Variants in BMP1 observed in about 807,000 individuals in gnomAD.
BMP1 encodes bone morphogenetic protein 1.
Under a neutral mutation model 116.8 loss-of-function variants are expected in BMP1, and 63 were observed. The ratio of observed to expected loss-of-function variants is 0.54; its 90% CI spans 0.44 to 0.67. BMP1 has a LOEUF of 0.67. Ranked by LOEUF, BMP1 falls within the 30% of genes least tolerant of loss-of-function variation. The pLI is 0.00. For synonymous variants in BMP1, 536 were observed against 533.4 expected (o/e 1.00, Z -0.07); for missense variants, 1,183 against 1,358.9 (o/e 0.87, Z 2.04).
rs778155776 is a variant in BMP1, at chr8:22,180,487, C to T, written c.1077+4C>T. On this transcript the variant is annotated splice_donor_region_variant and intron_variant, in intron 8 of 19. Transcript: ENST00000306385. ...CTCTGTCACACCCGGGGAGAAGGTA[C>T]GTGTGGGCTCAGCCTCTGAGCCTCC... 16 of 1,612,422 alleles carry T rather than the reference C, an allele frequency of 9.9e-6. No homozygotes were observed. Among genetic ancestry groups the T allele is most frequent in the South Asian group, 4.4e-5 (4 of 91,054 alleles).
chr8:22,199,472 G>T, intron 15 of BMP1: 1 of 1,168,890 alleles, frequency 8.6e-7, no homozygotes, highest in East Asian at 6.1e-5. Flanking sequence ...TCCCAGGTGA[G>T]GCTGCCCACT....
At chr8:22,193,115 C>T (rs1002326894) in intron 9 of BMP1, among the ~76,000 whole-genome samples, 2 of 152,268 alleles carry the variant, frequency 1.3e-5, no homozygotes, top group Admixed American at 6.5e-5. Flanking sequence ...TGGGAAACAC[C>T]GGCCTTATTA....
chr8:22,190,792 C>A (rs554453709), intron 8 of BMP1, among the ~76,000 whole-genome samples: 1 of 152,304 alleles, frequency 6.6e-6, no homozygotes, highest in African/African-American at 2.4e-5. Flanking sequence ...CTCCACTCTG[C>A]CTCTAACTCT....
Position 22,194,653 on chromosome 8 carries a change from T to G in BMP1, c.1443+63T>G. 1 of 1,599,832 alleles carries G rather than the reference T, an allele frequency of 6.3e-7. No individual in the cohort carries two copies. Among genetic ancestry groups the G allele is most frequent in the Non-Finnish European group, 8.5e-7 (1 of 1,171,022 alleles). On this transcript the variant is annotated intron_variant, in intron 11 of 19. Transcript: ENST00000306385. The surrounding 1 kb of genome is among the most constrained non-coding windows in gnomAD (Gnocchi z 4.5). The stretch of plus-strand genomic sequence containing the variant: ...GCAGTTGCTCCCTGGGACAGCTGCC[T>G]CTCTTTGGGCTCCCAGGGGTGGGTC...
chr8:22,206,140 GTGGATCACT>G (rs1158397566), intron 16 of BMP1, among the ~76,000 whole-genome samples: 3 of 152,162 alleles, frequency 2.0e-5, no homozygotes, highest in African/African-American at 7.2e-5. Flanking sequence ...GCCTAGGCAG[GTGGATCACT>G]TGGGGCCAGG....
At chr8:22,177,513 C>G (rs1345669849) in intron 5 of BMP1, 6 of 714,558 alleles carry the variant, frequency 8.4e-6, no homozygotes, top group Non-Finnish European at 1.6e-5. Context: ...GGGCTTTTCT[C>G]TCATTTTCTC....
At chr8:22,201,540 T>C in intron 15 of BMP1, 1 of 1,415,106 alleles carries the variant, frequency 7.1e-7, no homozygotes, top group Non-Finnish European at 9.2e-7. Flanking sequence ...AAGCAGGTAA[T>C]GGTGACCCAT....
chr8:22,179,578 C>G lies in BMP1; in HGVS notation c.837-127C>G, dbSNP rs996572245. ...ACAGGGTGAGACGACTCCACCCGGC[C>G]CTGACCCTGCTGAGGAATGTCTGAG... is the stretch of plus-strand genomic sequence containing the variant. On this transcript the variant is annotated intron_variant, in intron 6 of 19. Transcript: ENST00000306385. The surrounding 1 kb of genome is among the most constrained non-coding windows in gnomAD (Gnocchi z 4.6). 6.5e-7 allele frequency: 1 copy of G among 1,546,876 alleles called. No individual in the cohort carries two copies. Among genetic ancestry groups the G allele is most frequent in the Admixed American group, 1.8e-5 (1 of 56,438 alleles).
At chr8:22,198,142 G>A (rs936316955) in intron 15 of BMP1, among the ~76,000 whole-genome samples, 1 of 152,216 alleles carries the variant, frequency 6.6e-6, no homozygotes, top group African/African-American at 2.4e-5. Context: ...CGATGATCTC[G>A]TCACTCACTC....
At chr8:22,182,588 G>T (rs941668904) in intron 8 of BMP1, among the ~76,000 whole-genome samples, 1 of 152,136 alleles carries the variant, frequency 6.6e-6, no homozygotes, top group Admixed American at 6.5e-5. Flanking sequence ...TGTTCCACCC[G>T]TTGACAAAAC....
chr8:22,190,571 G>T lies in BMP1; in HGVS notation c.1078-1478G>T, dbSNP rs370720928. ...CGGCGTGACGTGTTGGTGTGTGGCCGGGAAGGTATAGAGAGGTGGAGAGAG... is the reference window on the plus strand; with the variant it reads ...CGGCGTGACGTGTTGGTGTGTGGCCTGGAAGGTATAGAGAGGTGGAGAGAG... On this transcript the variant is annotated intron_variant, in intron 8 of 19. Transcript: ENST00000306385. Among the ~76,000 whole-genome samples the T allele has an allele frequency of 4.6e-5, 7 of 152,336 alleles. No individual in the cohort carries two copies. In the East Asian group the frequency reaches 1.2e-3, roughly 25 times the overall value.
chr8:22,194,285 A>G lies in BMP1; in HGVS notation c.1297+111A>G. On this transcript the variant is annotated intron_variant, in intron 10 of 19. Coordinates refer to ENST00000306385, the MANE Select transcript of BMP1 (RefSeq NM_006129.5). This position sits in a 1 kb window ranked among gnomAD's most constrained non-coding sequence, Gnocchi z 4.5. The stretch of plus-strand genomic sequence containing the variant: ...AAGATTGTGGGTTCCCAAGGGAAGA[A>G]GCAGAGAGAATGATGGGATTGCCTG... 6.9e-7 allele frequency: 1 copy of G among 1,459,584 alleles called. No homozygotes were observed. The highest frequency in any genetic ancestry group is 9.5e-7 in the Non-Finnish European group (1 of 1,050,836). The allele number at this position is 1,459,584 out of a possible 1,614,324, so 90.4% of individuals were successfully genotyped here.
intron 14 of BMP1, 45 bp downstream of exon 14, chr8:22,196,885 C>T (rs368022100): frequency 3.2e-5 from 50 of 1,576,386 alleles, no homozygotes; most frequent in African/African-American, 2.8e-4. Flanking sequence ...AGCTGTGAGG[C>T]GTGGGCATTC....
At chr8:22,173,561 A>C (rs1179901000) in intron 1 of BMP1, 41 bp from the exon 2 acceptor site, 1 of 1,497,902 alleles carries the variant, frequency 6.7e-7, no homozygotes, top group Non-Finnish European at 9.2e-7. Context: ...AGGGCTGGGT[A>C]GGAGGATTAA....
intron 12 of BMP1, 83 bp from the exon 13 acceptor site, chr8:22,195,379 G>A: frequency 6.6e-7 from 1 of 1,522,094 alleles, no homozygotes; most frequent in Middle Eastern, 1.9e-4. Flanking sequence ...TGGGTCTTGG[G>A]GCTGAGTGGA....
chr8:22,196,553 C>G, intron 13 of BMP1, 127 bp from the exon 14 acceptor site: 1 of 1,433,472 alleles, frequency 7.0e-7, no homozygotes, highest in East Asian at 2.3e-5. Context: ...GGACCAGACA[C>G]AGGTCCCTGA....
intron 14 of BMP1, 120 bp downstream of exon 14, chr8:22,196,960 G>T: frequency 7.5e-7 from 1 of 1,329,584 alleles, no homozygotes. Flanking sequence ...AAATATCGAG[G>T]AGAGACTGCT....
chr8:22,200,845 G>A (rs568686905), intron 15 of BMP1, among the ~76,000 whole-genome samples: 32 of 152,240 alleles, frequency 2.1e-4, no homozygotes, highest in African/African-American at 7.5e-4. Flanking sequence ...CGCCTAGTGG[G>A]CTACGTGTGC....
rs1423386288 is a variant in BMP1 at position 22,194,212 on chromosome 8, G to A, written c.1297+38G>A. The A allele has an allele frequency of 6.3e-7, 1 of 1,586,896 alleles. No homozygotes were observed. Among genetic ancestry groups the A allele is most frequent in the Non-Finnish European group, 8.7e-7 (1 of 1,155,314 alleles). On this transcript the variant is annotated intron_variant, in intron 10 of 19. Transcript: ENST00000306385. The surrounding 1 kb of genome is among the most constrained non-coding windows in gnomAD (Gnocchi z 4.5). The stretch of plus-strand genomic sequence containing the variant: ...GCGGCGGGCGGGAGGAGTCAGATAG[G>A]AGGTCTCTGGGCATGGTAAAACAAC...
Sources: gnomAD v4.1 joint callset for allele counts (sites outside exome capture counted in the v4.1 genomes callset) on GRCh38, gnomAD v4.1.1 for gene constraint, Gnocchi (gnomAD v3.1) non-coding constraint, MANE v1.5 for transcripts, NCBI Gene and HGNC (gene_info 2026-07-23, HGNC 2026-07-21) for gene names.